CWC15: variants seen among roughly 807,000 people sequenced by gnomAD.
CWC15 encodes the protein CWC15 spliceosome associated protein.
A neutral mutation model predicts 28.4 loss-of-function variants in CWC15; 12 were observed. That is an observed-to-expected ratio of 0.42 (90% CI 0.27 to 0.69). The LOEUF (loss-of-function observed/expected upper bound fraction) is 0.69. CWC15 is among the 30% of genes least tolerant of loss of function. CWC15 has a pLI of 0.23. For synonymous variants in CWC15, 92 were observed against 88.4 expected (o/e 1.04, Z -0.23); for missense variants, 192 against 271.5 (o/e 0.71, Z 2.06).
At position 94,971,245 on chromosome 11, in the gene CWC15, C is replaced by A. The variant is rs587632672; in HGVS notation, c.244+130G>T. The A allele has an allele frequency of 2.2e-5, 21 of 945,452 alleles. No individual in the cohort carries two copies. The East Asian group carries it at 5.4e-4, about 24-fold the overall frequency. The allele number at this position is 945,452 out of a possible 1,614,324, so 58.6% of individuals were successfully genotyped here. ...ATTTGTTGTTATTATCTCTAATGACCTAAGAAAGTAGTACAGCTCACATCA... is the reference window on the plus strand; with the variant it reads ...ATTTGTTGTTATTATCTCTAATGACATAAGAAAGTAGTACAGCTCACATCA... On this transcript the variant is annotated intron_variant, in intron 3 of 6. Transcript: ENST00000279839.
rs587631134 is a variant in CWC15, at chr11:94,963,502, G to A, written c.573C>T (p.Asp191=). ...CTTTTGCACAGTTCTTGAAGACAAC[G>A]TCATCATCCCACCTGAGGAAAAAAA... ...NFKVKRRWDD[D]VVFKNCAKGV... The change falls in exon 7 of 7, where the codon GAC becomes GAT. Residue 191 remains aspartate, a synonymous_variant. Transcript: ENST00000279839. The A allele has an allele frequency of 1.7e-5, 26 of 1,571,714 alleles. No individual in the cohort carries two copies. In the East Asian group the frequency reaches 2.1e-4, roughly 12 times the overall value.
At chr11:94,966,843 C>T (rs1181134495) in intron 5 of CWC15, among the ~76,000 whole-genome samples, 6 of 152,058 alleles carry the variant, frequency 3.9e-5, no homozygotes, top group Non-Finnish European at 7.4e-5. Flanking sequence ...TTTAAAGGGT[C>T]ATACCTAACT....
At chr11:94,972,684 AAAAC>A (rs1330526954) in intron 1 of CWC15, among the ~76,000 whole-genome samples, 2 of 152,372 alleles carry the variant, frequency 1.3e-5, no homozygotes, top group Admixed American at 6.5e-5. Context: ...ACAAAAGCTA[AAAAC>A]AAACAAAAAA....
intron 4 of CWC15, 42 bp downstream of exon 4, chr11:94,970,935 G>A: frequency 6.9e-7 from 1 of 1,442,646 alleles, no homozygotes; most frequent in Non-Finnish European, 9.8e-7. Context: ...GAATAGCATG[G>A]TAAATCAATT....
intron 5 of CWC15, among the ~76,000 whole-genome samples, chr11:94,967,361 G>A (rs189866914): frequency 7.9e-5 from 12 of 152,140 alleles, no homozygotes; most frequent in African/African-American, 2.9e-4. Context: ...TCCTTTATCA[G>A]TTACAACACT....
chr11:94,967,875 T>C (rs1857667503), intron 5 of CWC15, among the ~76,000 whole-genome samples: 1 of 152,208 alleles, frequency 6.6e-6, no homozygotes, highest in African/African-American at 2.4e-5. Context: ...AGGGAAAAGA[T>C]ATTTCTCTGA....
At chr11:94,970,867 C>T (rs1340746210) in intron 4 of CWC15, 110 bp downstream of exon 4, 7 of 897,476 alleles carry the variant, frequency 7.8e-6, no homozygotes, top group African/African-American at 5.0e-5. Flanking sequence ...ATTTGAATAA[C>T]AGTAACTAAA....
chr11:94,969,989 C>A lies in CWC15; in HGVS notation c.441G>T (p.Lys147Asn). ...KKERAEEQAR[K>N]EQEQKAEEER... ...TAAATATTTAATACTTTGGTTTTAC[C>A]TTCCTGGCCTGCTCTTCAGCTCTTT... The change falls in exon 5 of 7, where the codon AAG (lysine) becomes AAT (asparagine). Residue 147 changes from lysine to asparagine, a missense_variant and splice_region_variant. Around this residue, in one of 2 missense-constraint regions of CWC15, gnomAD observed 188 missense variants for 250.3 expected, o/e 0.75. Coordinates refer to ENST00000279839, the MANE Select transcript of CWC15 (RefSeq NM_016403.4). 6.6e-7 allele frequency: 1 copy of A among 1,514,670 alleles called. No homozygotes were observed. The highest frequency in any genetic ancestry group is 8.8e-7 in the Non-Finnish European group (1 of 1,132,182). 93.8% of individuals were successfully genotyped at this position (1,514,670 alleles called of 1,614,324 possible).
intron 1 of CWC15, 80 bp from the exon 2 acceptor site, chr11:94,972,273 G>T: frequency 7.5e-7 from 1 of 1,331,768 alleles, no homozygotes; most frequent in Non-Finnish European, 1.0e-6. Flanking sequence ...ATCCATACTG[G>T]TAAAATAAGT....
In CWC15 at chr11:94,963,383, T is replaced by A. The variant is rs1555094699; in HGVS notation, c.*2A>T. 4.1e-5 allele frequency: 65 copies of A among 1,573,362 alleles called. No homozygotes were observed. Among genetic ancestry groups the A allele is most frequent in the Non-Finnish European group, 5.4e-5 (62 of 1,157,360 alleles). ...GTCTTTAATTAAGCACATAAAACTG[T>A]ACTATTTAATATATTTCTCCATGAA... On this transcript the variant is annotated 3_prime_UTR_variant, in exon 7 of 7. Coordinates refer to ENST00000279839, the MANE Select transcript of CWC15 (RefSeq NM_016403.4).
At chr11:94,973,325 G>C (rs1018593479) in intron 1 of CWC15, 173 bp downstream of exon 1, 1 of 152,490 alleles carries the variant, frequency 6.6e-6, no homozygotes, top group Non-Finnish European at 1.5e-5. Context: ...CGATCTCCTC[G>C]GCGGGCCCAA....
chr11:94,972,065 T>G lies in CWC15; in HGVS notation c.121A>C (p.Ile41Leu). The G allele has an allele frequency of 6.2e-7, 1 of 1,610,868 alleles. No individual in the cohort carries two copies. Among genetic ancestry groups the G allele is most frequent in the Non-Finnish European group, 8.5e-7 (1 of 1,179,042 alleles). ...AGAAAGTCTTACTACCTGTATTTTA[T>G]CTTTGTATGAGAGGGTAGGTCTCTG... The part of the protein sequence containing the change: ...SSRDLPSHTK[I>L]KYRQTTQDAP... Residue 41 changes from isoleucine (I) to leucine (L), a missense_variant, in exon 2 of 7, where the codon ATA becomes CTA. This residue lies in a region of CWC15 where 188 missense variants were observed against 250.3 expected (regional missense o/e 0.75). Coordinates refer to ENST00000279839, the MANE Select transcript of CWC15 (RefSeq NM_016403.4).
intron 6 of CWC15, among the ~76,000 whole-genome samples, chr11:94,964,254 A>C (rs1857609514): frequency 1.1e-5 from 1 of 89,690 alleles, no homozygotes; most frequent in Non-Finnish European, 2.3e-5. Context: ...TCACAAATAT[A>C]TATATAACAC....
rs114788052 is a variant in CWC15, at chr11:94,968,962, A to C, written c.441+1027T>G. The stretch of plus-strand genomic sequence containing the variant: ...AGACAACCCTACCTGAATGTCTCAC[A>C]ATGTGTCAAATTTAACATGTTCAAA... On this transcript the variant is annotated intron_variant, in intron 5 of 6. Transcript: ENST00000279839. 3.9e-3 allele frequency among the ~76,000 whole-genome samples: 596 copies of C among 152,330 alleles called. 2 individuals are homozygous for C. Among genetic ancestry groups the C allele is most frequent in the African/African-American group, 0.013 (554 of 41,578 alleles).
chr11:94,971,277 A>G, intron 3 of CWC15, 98 bp downstream of exon 3: 2 of 1,079,448 alleles, frequency 1.9e-6, no homozygotes, highest in Non-Finnish European at 2.8e-6. Context: ...ATCAATCTGT[A>G]AAAGTAAACA....
At position 94,971,366 on chromosome 11, in the gene CWC15, T is replaced by C; in HGVS notation, c.244+9A>G. 2 of 1,586,450 alleles carry C rather than the reference T, an allele frequency of 1.3e-6. No individual in the cohort carries two copies. Among genetic ancestry groups the C allele is most frequent in the Non-Finnish European group, 1.7e-6 (2 of 1,157,526 alleles). Reference sequence around the variant, plus strand: ...TTTATGAGACAAATGTCTTGGATAGTGTTGGTACCTCGGGTTGGACGATCC... The same window carrying C: ...TTTATGAGACAAATGTCTTGGATAGCGTTGGTACCTCGGGTTGGACGATCC... On this transcript the variant is annotated intron_variant, in intron 3 of 6. Transcript: ENST00000279839.
chr11:94,971,567 C>A (rs1329602587), intron 2 of CWC15, 80 bp from the exon 3 acceptor site: 4 of 780,466 alleles, frequency 5.1e-6, no homozygotes, highest in Non-Finnish European at 8.2e-6. Flanking sequence ...TAATGGAAGA[C>A]AATTCAGGAA....
At chr11:94,965,233 A>G (rs1857622312) in intron 6 of CWC15, among the ~76,000 whole-genome samples, 1 of 152,272 alleles carries the variant, frequency 6.6e-6, no homozygotes, top group African/African-American at 2.4e-5. Context: ...GGCAGATAAC[A>G]GCAGTAGAGG....
chr11:94,971,238 T>A, intron 3 of CWC15, 137 bp downstream of exon 3: 1 of 935,726 alleles, frequency 1.1e-6, no homozygotes, highest in Non-Finnish European at 1.7e-6. Flanking sequence ...TTATTATCTC[T>A]AATGACCTAA....
Sources: allele counts gnomAD v4.1 joint callset (sites outside exome capture counted in the v4.1 genomes callset), GRCh38; gene constraint gnomAD v4.1.1; regional missense constraint gnomAD v4.1.1; transcripts MANE v1.5; gene names NCBI Gene and HGNC (gene_info 2026-07-23, HGNC 2026-07-21).